The following TRDMT1 variants were observed in gnomAD, a reference collection of about 807,000 sequenced individuals.
The protein encoded by TRDMT1 is tRNA (cytosine(38)-C(5))-methyltransferase.
TRDMT1 carries 49 observed loss-of-function variants against 51.2 expected under a neutral mutation model. That is an observed-to-expected ratio of 0.96 (90% confidence interval 0.76 to 1.21). The LOEUF is 1.21. Among genes scored for constraint, TRDMT1 ranks in the 50% most tolerant of loss-of-function variants. The probability of loss-of-function intolerance (pLI) is 0.00; values close to 1 mark genes in which losing one functional copy is unlikely to be tolerated. For missense variants in TRDMT1, 534 were observed against 462.3 expected (o/e 1.16, Z -1.42); for synonymous variants, 187 against 164.6 (o/e 1.14, Z -1.04).
At position 17,174,541 on chromosome 10, in the gene TRDMT1, A is replaced by G; in HGVS notation, c.174+10T>C. Reference sequence around the variant, plus strand: ...GCTACATACTTATTAAAACAATGACAATTACTCACTTCAATCGTCTTGGCA... The same window carrying G: ...GCTACATACTTATTAAAACAATGACGATTACTCACTTCAATCGTCTTGGCA... On this transcript the variant is annotated intron_variant, in intron 2 of 10. Coordinates refer to ENST00000377799, the MANE Select transcript of TRDMT1 (RefSeq NM_004412.7). 6.4e-7 allele frequency: 1 copy of G among 1,563,688 alleles called. No homozygotes were observed. The highest frequency in any genetic ancestry group is 8.8e-7 in the Non-Finnish European group (1 of 1,134,172).
chr10:17,148,087 T>C lies in TRDMT1; in HGVS notation c.*953A>G, dbSNP rs1375402750. Reference sequence around the variant, plus strand: ...TTATCACAAACCATAGAATTTATGATGCAAGACTTAGTTTGATTAGAAACC... The same window carrying C: ...TTATCACAAACCATAGAATTTATGACGCAAGACTTAGTTTGATTAGAAACC... On this transcript the variant is annotated 3_prime_UTR_variant, in exon 11 of 11. Transcript: ENST00000377799. The C allele has an allele frequency of 1.0e-6, 1 of 985,464 alleles. No homozygotes were observed. Among genetic ancestry groups the C allele is most frequent in the East Asian group, 1.1e-4 (1 of 8,824 alleles). The allele number at this position is 985,464 out of a possible 1,614,324, so 61.0% of individuals were successfully genotyped here. A position where few individuals can be genotyped will look rare whatever the true frequency, so the allele number is the denominator to read the frequency against.
At chr10:17,151,509 T>C (rs1240998924) in intron 10 of TRDMT1, 1 of 984,968 alleles carries the variant, frequency 1.0e-6, no homozygotes, top group Non-Finnish European at 1.2e-6. Context: ...GTCAATAATG[T>C]TGGAAACACA....
intron 9 of TRDMT1, among the ~76,000 whole-genome samples, chr10:17,154,128 G>A (rs1839170707): frequency 1.3e-5 from 2 of 152,058 alleles, no homozygotes; most frequent in South Asian, 2.1e-4. Flanking sequence ...TTTACCATGG[G>A]TAAATTTTAT....
chr10:17,182,210 A>T (rs1407932721), intron 1 of TRDMT1, among the ~76,000 whole-genome samples: 1 of 152,236 alleles, frequency 6.6e-6, no homozygotes, highest in African/African-American at 2.4e-5. Context: ...AGGGGAGAAC[A>T]TATATAAAAA....
intron 2 of TRDMT1, among the ~76,000 whole-genome samples, chr10:17,170,391 T>C (rs531921291): frequency 6.6e-6 from 1 of 152,332 alleles, no homozygotes; most frequent in African/African-American, 2.4e-5. Context: ...CCAAAGGAAA[T>C]TGATTTTTTA....
At chr10:17,200,143 C>T (rs1845958822) in intron 1 of TRDMT1, among the ~76,000 whole-genome samples, 1 of 152,128 alleles carries the variant, frequency 6.6e-6, no homozygotes, top group Non-Finnish European at 1.5e-5. Context: ...AGTAAACATG[C>T]TTAAAGAGAA....
chr10:17,188,082 T>C (rs1310969844), intron 1 of TRDMT1, among the ~76,000 whole-genome samples: 1 of 149,888 alleles, frequency 6.7e-6, no homozygotes, highest in East Asian at 1.9e-4. Flanking sequence ...TAAAACAAAC[T>C]CTGTTTTTTG....
rs1564321823 is a variant in TRDMT1, at chr10:17,180,555, A to AAAC, written c.65-5898_65-5896dup. Among the ~76,000 whole-genome samples, 16 of 148,392 alleles carry AAAC rather than the reference A, an allele frequency of 1.1e-4. 2 individuals are homozygous for AAAC. Among genetic ancestry groups the AAAC allele is most frequent in the Non-Finnish European group, 1.5e-4 (10 of 66,938 alleles). On this transcript the variant is annotated intron_variant, in intron 1 of 10. Transcript: ENST00000377799. ...ACTCTGTCTCAAAAAAAAAAAAAAAAAACTCTCTTTCCATATTCGGTACAG... is the reference window on the plus strand; with the variant it reads ...ACTCTGTCTCAAAAAAAAAAAAAAAAAACAACTCTCTTTCCATATTCGGTACAG...
chr10:17,155,236 A>G (rs1008612989), intron 8 of TRDMT1, among the ~76,000 whole-genome samples: 1 of 152,122 alleles, frequency 6.6e-6, no homozygotes, highest in Non-Finnish European at 1.5e-5. Flanking sequence ...ATAAATAATA[A>G]ATGTCTCAGA....
intron 6 of TRDMT1, 110 bp downstream of exon 6, chr10:17,160,195 C>A: frequency 1.6e-6 from 1 of 631,612 alleles, no homozygotes; most frequent in Non-Finnish European, 2.5e-6. Context: ...TTCAGTTTAC[C>A]TATAATATTA....
In TRDMT1 at chr10:17,148,088, G is replaced by T. The variant is rs1048009328; in HGVS notation, c.*952C>A. The T allele has an allele frequency of 2.0e-5, 20 of 985,194 alleles. No individual in the cohort carries two copies. The South Asian group carries it at 8.5e-4, about 42-fold the overall frequency. 61.0% of individuals were successfully genotyped at this position (985,194 alleles called of 1,614,324 possible). A position where few individuals can be genotyped will look rare whatever the true frequency, so the allele number is the denominator to read the frequency against. ...TATCACAAACCATAGAATTTATGAT[G>T]CAAGACTTAGTTTGATTAGAAACCC... On this transcript the variant is annotated 3_prime_UTR_variant, in exon 11 of 11. Transcript: ENST00000377799.
chr10:17,190,509 G>A (rs1844547712), intron 1 of TRDMT1, among the ~76,000 whole-genome samples: 1 of 150,422 alleles, frequency 6.6e-6, no homozygotes, highest in Admixed American at 6.6e-5. Flanking sequence ...AAATTTTACA[G>A]TGAGTAAAGA....
chr10:17,165,449 A>G (rs1228956778), intron 3 of TRDMT1, among the ~76,000 whole-genome samples: 1 of 152,236 alleles, frequency 6.6e-6, no homozygotes, highest in African/African-American at 2.4e-5. Flanking sequence ...CATTCAGGAC[A>G]TAGGCATGGG....
rs556669999 is a variant in TRDMT1 at position 17,200,309 on chromosome 10, G to A, written c.64+1262C>T. Among the ~76,000 whole-genome samples the A allele has an allele frequency of 2.0e-5, 3 of 152,272 alleles. No homozygotes were observed. In the South Asian group the frequency reaches 6.2e-4, roughly 32 times the overall value. ...AAGGAGTTTCAAGATATGGGAAAAC[G>A]CGGACATTATATCACTTTAGAGAAT... On this transcript the variant is annotated intron_variant, in intron 1 of 10. Transcript: ENST00000377799.
chr10:17,194,278 G>A (rs1408161023), intron 1 of TRDMT1, among the ~76,000 whole-genome samples: 3 of 152,070 alleles, frequency 2.0e-5, no homozygotes, highest in African/African-American at 7.2e-5. Context: ...CTTCATAAAC[G>A]ATTGCAACAA....
chr10:17,179,281 C>A (rs1241290026), intron 1 of TRDMT1, among the ~76,000 whole-genome samples: 1 of 152,066 alleles, frequency 6.6e-6, no homozygotes, highest in Admixed American at 6.6e-5. Context: ...CTGAAGCTTT[C>A]CTTGGCAGAA....
intron 1 of TRDMT1, among the ~76,000 whole-genome samples, chr10:17,198,024 A>C (rs1440654677): frequency 6.8e-6 from 1 of 147,940 alleles, no homozygotes; most frequent in African/African-American, 2.5e-5. Flanking sequence ...AGAAGAGCGA[A>C]ACTCCATCTC....
Position 17,144,608 on chromosome 10 carries a change from A to C in TRDMT1, c.*4432T>G, listed in dbSNP as rs1837947608. On this transcript the variant is annotated 3_prime_UTR_variant, in exon 11 of 11. Coordinates refer to ENST00000377799, the MANE Select transcript of TRDMT1 (RefSeq NM_004412.7). ...GTATATGAGAACTTGGGGAATACAA[A>C]GCCAAAACAGCTCATTGTACATGCT... 1 of 985,510 alleles carries C rather than the reference A, an allele frequency of 1.0e-6. No individual in the cohort carries two copies. Among genetic ancestry groups the C allele is most frequent in the East Asian group, 1.1e-4 (1 of 8,818 alleles). 61.0% of individuals were successfully genotyped at this position (985,510 alleles called of 1,614,324 possible). A position where few individuals can be genotyped will look rare whatever the true frequency, so the allele number is the denominator to read the frequency against.
At chr10:17,165,941 A>G (rs956280597) in intron 3 of TRDMT1, among the ~76,000 whole-genome samples, 114 of 150,690 alleles carry the variant, frequency 7.6e-4, no homozygotes, top group Non-Finnish European at 1.2e-3. Context: ...AACTAGTTCA[A>G]CCATTGTGGA....
Sources: allele counts gnomAD v4.1 joint callset (sites outside exome capture counted in the v4.1 genomes callset), GRCh38; gene constraint gnomAD v4.1.1; transcripts MANE v1.5; gene names NCBI Gene and HGNC (gene_info 2026-07-23, HGNC 2026-07-21).